Variants in SH3BGRL observed in about 807,000 individuals in gnomAD.
SH3BGRL encodes the protein adapter SH3BGRL.
A neutral mutation model predicts 9.8 loss-of-function variants in SH3BGRL; 7 were observed. The observed-to-expected ratio is 0.72, with a 90% CI of 0.41 to 1.35. The LOEUF is 1.35. SH3BGRL is among the 40% of genes most tolerant of loss of function. SH3BGRL has a pLI of 0.01. For missense variants in SH3BGRL, 73 were observed against 84.4 expected (o/e 0.86, Z 0.53); for synonymous variants, 36 against 29.1 (o/e 1.24, Z -0.76).
intron 1 of SH3BGRL, among the ~76,000 whole-genome samples, chrX:81,228,202 GC>G (rs2147677896): frequency 8.9e-6 from 1 of 111,800 alleles, no homozygotes; most frequent in East Asian, 2.8e-4. Flanking sequence ...GAAAACATGT[GC>G]CCATGTTGGT....
At chrX:81,280,032 G>A (rs1353702452) in intron 3 of SH3BGRL, among the ~76,000 whole-genome samples, 3 of 111,027 alleles carry the variant, frequency 2.7e-5, no homozygotes, top group African/African-American at 6.6e-5. Flanking sequence ...GGTTTACCTG[G>A]GAGCTGAGTG....
chrX:81,249,211 A>G (rs1272498141), intron 1 of SH3BGRL, among the ~76,000 whole-genome samples: 1 of 112,782 alleles, frequency 8.9e-6, no homozygotes, highest in Non-Finnish European at 1.9e-5. Flanking sequence ...TCAGCTCAAT[A>G]AATAGTTGTT....
At chrX:81,292,223 T>G (rs1294004675) in intron 3 of SH3BGRL, among the ~76,000 whole-genome samples, 2 of 112,079 alleles carry the variant, frequency 1.8e-5, no homozygotes, top group Non-Finnish European at 3.8e-5. Flanking sequence ...CATCCAGGTA[T>G]TTTCATACAT....
chrX:81,237,352 C>A, intron 1 of SH3BGRL: 1 of 307,693 alleles, frequency 3.2e-6, no homozygotes, highest in Non-Finnish European at 6.3e-6. Flanking sequence ...AAAAAACAGT[C>A]TTGAATCACC....
intron 3 of SH3BGRL, among the ~76,000 whole-genome samples, chrX:81,280,922 G>T (rs934767100): frequency 7.6e-4 from 85 of 111,261 alleles, no homozygotes; most frequent in African/African-American, 2.6e-3. Flanking sequence ...TCCAAAAAAT[G>T]ATACGAGAAG....
At chrX:81,276,611 T>G (rs984778966) in intron 1 of SH3BGRL, among the ~76,000 whole-genome samples, 3 of 111,268 alleles carry the variant, frequency 2.7e-5, no homozygotes, top group African/African-American at 9.8e-5. Context: ...TGGAAAAAAC[T>G]TTCTTGAAAG....
intron 3 of SH3BGRL, among the ~76,000 whole-genome samples, chrX:81,290,352 T>A (rs1341362298): frequency 8.9e-6 from 1 of 111,852 alleles, no homozygotes; most frequent in Non-Finnish European, 1.9e-5. Context: ...GATGAGTGGG[T>A]TAAGAAAATG....
chrX:81,236,578 G>A (rs756771852), intron 1 of SH3BGRL, among the ~76,000 whole-genome samples: 1 of 111,334 alleles, frequency 9.0e-6, no homozygotes, highest in East Asian at 2.8e-4. Flanking sequence ...ATGGGAATGC[G>A]ACTCAACAGT....
chrX:81,279,303 G>T (rs2075808258), intron 3 of SH3BGRL, among the ~76,000 whole-genome samples: 1 of 111,668 alleles, frequency 9.0e-6, no homozygotes, highest in Non-Finnish European at 1.9e-5. Context: ...TAAGAAAAGT[G>T]AGGTAAGGCA....
Position 81,272,195 on chromosome X carries a change from CAA to C in SH3BGRL, c.46-4773_46-4772del, listed in dbSNP as rs11380632. The stretch of plus-strand genomic sequence containing the variant: ...CTGGGTGACAGAGTGAGACTGCGTC[CAA>C]AAAAAAAAAAAAAAAGGAAGACAAT... On this transcript the variant is annotated intron_variant, in intron 1 of 3. Transcript: ENST00000373212. Among the ~76,000 whole-genome samples the C allele has an allele frequency of 1.5e-4, 11 of 74,833 alleles. No individual in the cohort carries two copies. In the South Asian group the frequency reaches 5.0e-3, roughly 34 times the overall value. The allele number at this position is 74,833 out of a possible 115,157, so 65.0% of individuals were successfully genotyped here.
At chrX:81,254,940 G>C (rs2075721135) in intron 1 of SH3BGRL, among the ~76,000 whole-genome samples, 1 of 106,168 alleles carries the variant, frequency 9.4e-6, no homozygotes, top group Non-Finnish European at 1.9e-5. Context: ...TGCCAGGCTG[G>C]AGTGCAGTGG....
At chrX:81,285,144 T>A (rs1231231133) in intron 3 of SH3BGRL, among the ~76,000 whole-genome samples, 1 of 111,368 alleles carries the variant, frequency 9.0e-6, no homozygotes, top group African/African-American at 3.3e-5. Flanking sequence ...TTCAGCTCAA[T>A]TTCTAGAGTT....
intron 1 of SH3BGRL, among the ~76,000 whole-genome samples, chrX:81,220,422 G>C (rs965455564): frequency 9.0e-6 from 1 of 111,114 alleles, no homozygotes; most frequent in African/African-American, 3.3e-5. Context: ...GCTCATAGTA[G>C]CCTCTAATGA....
intron 1 of SH3BGRL, among the ~76,000 whole-genome samples, chrX:81,250,339 G>T (rs2075705303): frequency 9.3e-6 from 1 of 107,759 alleles, no homozygotes; most frequent in Non-Finnish European, 1.9e-5. Context: ...GGCAGAGGTT[G>T]CAGTGAGCCA....
intron 1 of SH3BGRL, among the ~76,000 whole-genome samples, chrX:81,203,478 A>T (rs2075536152): frequency 8.9e-6 from 1 of 112,376 alleles, no homozygotes; most frequent in East Asian, 2.8e-4. Context: ...GTTAAAAAAA[A>T]GAACACCTTT....
chrX:81,274,216 C>T (rs759323251), intron 1 of SH3BGRL, among the ~76,000 whole-genome samples: 2 of 111,506 alleles, frequency 1.8e-5, no homozygotes, highest in South Asian at 3.8e-4. Context: ...TTCACTGTGT[C>T]CCCTTATTTT....
rs150703511 is a variant in SH3BGRL at position 81,202,462 on chromosome X, G to A, written c.45+217G>A. On this transcript the variant is annotated intron_variant, in intron 1 of 3. Coordinates refer to ENST00000373212, the MANE Select transcript of SH3BGRL (RefSeq NM_003022.3). ...AGTTCAGCTTTGTTTGCTTCGTGAC[G>A]TTGGGGGGCACATTTCTGCTTTGAA... 2,048 of 989,181 alleles carry A rather than the reference G, an allele frequency of 2.1e-3. 31 individuals carry two copies. In the African/African-American group the frequency reaches 0.039, roughly 19 times the overall value. 81.5% of individuals were successfully genotyped at this position (989,181 alleles called of 1,213,427 possible).
intron 3 of SH3BGRL, among the ~76,000 whole-genome samples, chrX:81,286,808 T>C (rs779438327): frequency 3.6e-5 from 4 of 111,406 alleles, no homozygotes; most frequent in Non-Finnish European, 5.7e-5. Flanking sequence ...TGCTTGCTCT[T>C]AAAGCTCTCT....
At chrX:81,268,948 A>G (rs1366732391) in intron 1 of SH3BGRL, among the ~76,000 whole-genome samples, 1 of 111,968 alleles carries the variant, frequency 8.9e-6, no homozygotes, top group Non-Finnish European at 1.9e-5. Context: ...TTCTTGTTGA[A>G]TTGAGCCCTT....
Sources: allele counts gnomAD v4.1 joint callset (sites outside exome capture counted in the v4.1 genomes callset), GRCh38; gene constraint gnomAD v4.1.1; transcripts MANE v1.5; gene names NCBI Gene and HGNC (gene_info 2026-07-23, HGNC 2026-07-21).